Variants in TLE4 observed in about 807,000 individuals in gnomAD.
The protein encoded by TLE4 is transducin-like enhancer protein 4.
In TLE4, 8 loss-of-function variants were observed where a neutral mutation model predicts 92.8. That is an observed-to-expected ratio of 0.09 (90% CI 0.05 to 0.16). The LOEUF is 0.16. TLE4 is among the 10% of genes least tolerant of loss of function. TLE4 has a pLI of 1.00. For synonymous variants in TLE4, 371 were observed against 374.1 expected (o/e 0.99, Z 0.10); for missense variants, 675 against 997.6 (o/e 0.68, Z 4.36).
At chr9:79,674,969 G>A (rs1418958709) in intron 8 of TLE4, among the ~76,000 whole-genome samples, 3 of 152,134 alleles carry the variant, frequency 2.0e-5, no homozygotes, top group Non-Finnish European at 2.9e-5. Context: ...TGCAGTAACA[G>A]AATCCCCCAA....
chr9:79,620,988 C>T (rs182268310), intron 5 of TLE4, among the ~76,000 whole-genome samples: 3 of 152,256 alleles, frequency 2.0e-5, no homozygotes, highest in Non-Finnish European at 2.9e-5. Context: ...GAAGGATTCA[C>T]CCCCATGACC....
At chr9:79,672,422 A>G (rs1201011706) in intron 8 of TLE4, among the ~76,000 whole-genome samples, 2 of 152,046 alleles carry the variant, frequency 1.3e-5, no homozygotes, top group Non-Finnish European at 2.9e-5. Context: ...GGTCTGGCAA[A>G]GGTTTAGGAG....
chr9:79,704,930 G>T (rs776277855), intron 9 of TLE4, 28 bp downstream of exon 9: 1 of 1,612,120 alleles, frequency 6.2e-7, no homozygotes, highest in Non-Finnish European at 8.5e-7. Context: ...TGTGTTAGGG[G>T]AGGCCAGCTT....
intron 2 of TLE4, among the ~76,000 whole-genome samples, chr9:79,574,539 T>G (rs2037100556): frequency 6.6e-6 from 1 of 152,210 alleles, no homozygotes; most frequent in Admixed American, 6.5e-5. Flanking sequence ...GTATGTGCAG[T>G]CATTATTGAA....
At chr9:79,711,806 A>AATGG (rs1022111072) in intron 14 of TLE4, among the ~76,000 whole-genome samples, 61 of 152,288 alleles carry the variant, frequency 4.0e-4, no homozygotes, top group African/African-American at 1.5e-3. Context: ...AGGGTGGGTT[A>AATGG]ATGGATTGGA....
chr9:79,702,155 G>C lies in TLE4; in HGVS notation c.610-2628G>C, dbSNP rs75502566. Among the ~76,000 whole-genome samples the C allele has an allele frequency of 9.9e-3, 1,501 of 152,346 alleles. 22 individuals carry two copies. The highest frequency in any genetic ancestry group is 0.034 in the African/African-American group (1,426 of 41,576). On this transcript the variant is annotated intron_variant, in intron 8 of 19. Transcript: ENST00000376552. Reference sequence around the variant, plus strand: ...GAGCCCAGGGGAACACTGGCTTATAGTGCTGATGTAGGATACAAGGCCAGG... The same window carrying C: ...GAGCCCAGGGGAACACTGGCTTATACTGCTGATGTAGGATACAAGGCCAGG...
chr9:79,572,755 C>A lies in TLE4; in HGVS notation c.-36C>A. The A allele has an allele frequency of 6.3e-7, 1 of 1,591,492 alleles. No homozygotes were observed. Among genetic ancestry groups the A allele is most frequent in the Non-Finnish European group, 8.5e-7 (1 of 1,170,028 alleles). On this transcript the variant is annotated 5_prime_UTR_variant, in exon 1 of 20. Coordinates refer to ENST00000376552, the MANE Select transcript of TLE4 (RefSeq NM_007005.6). ...GGGTCATTAAAGCCAATGAGCCGCG[C>A]GCCTCTGCCGAGCGCAGCCAACTAA...
rs2076322197 is a variant in TLE4, at chr9:79,725,712, G to T, written c.*568G>T. 6.6e-6 allele frequency: 1 copy of T among 152,648 alleles called. No individual in the cohort carries two copies. The highest frequency in any genetic ancestry group is 2.4e-5 in the African/African-American group (1 of 41,418). The allele number at this position is 152,648 out of a possible 1,614,324, so 9.5% of individuals were successfully genotyped here. Reference sequence around the variant, plus strand: ...TTTCTACATCTTTTAAAGACTTTTGGAAATTTGGCTGAACAATTAGAACAC... The same window carrying T: ...TTTCTACATCTTTTAAAGACTTTTGTAAATTTGGCTGAACAATTAGAACAC... On this transcript the variant is annotated 3_prime_UTR_variant, in exon 20 of 20. Transcript: ENST00000376552.
chr9:79,725,898 A>C lies in TLE4; in HGVS notation c.*754A>C, dbSNP rs1172443121. 3 of 152,368 alleles carry C rather than the reference A, an allele frequency of 2.0e-5. No individual in the cohort carries two copies. Among genetic ancestry groups the C allele is most frequent in the African/African-American group, 7.2e-5 (3 of 41,380 alleles). 9.4% of individuals were successfully genotyped at this position (152,368 alleles called of 1,614,324 possible). A position where few individuals can be genotyped will look rare whatever the true frequency, so the allele number is the denominator to read the frequency against. ...GTTTTTAGTTCCCTTTTTTTGTTGT[A>C]TTATAGGCAGATGAACAAATTAAAT... is the stretch of plus-strand genomic sequence containing the variant. On this transcript the variant is annotated 3_prime_UTR_variant, in exon 20 of 20. Coordinates refer to ENST00000376552, the MANE Select transcript of TLE4 (RefSeq NM_007005.6).
chr9:79,706,446 G>T (rs1368076839), intron 10 of TLE4, among the ~76,000 whole-genome samples: 1 of 148,872 alleles, frequency 6.7e-6, no homozygotes, highest in East Asian at 2.0e-4. Context: ...ATTCTCTACT[G>T]CAGTGAAGGC....
At chr9:79,722,228 A>G (rs1251536024) in intron 17 of TLE4, among the ~76,000 whole-genome samples, 1 of 152,196 alleles carries the variant, frequency 6.6e-6, no homozygotes, top group African/African-American at 2.4e-5. Flanking sequence ...AAGAAGAGGC[A>G]GTTCACTTAC....
intron 14 of TLE4, among the ~76,000 whole-genome samples, chr9:79,715,604 C>T (rs2074330955): frequency 6.6e-6 from 1 of 152,132 alleles, no homozygotes; most frequent in Non-Finnish European, 1.5e-5. Context: ...AACCTTGCTC[C>T]TTTCAGGCTC....
chr9:79,613,066 CTG>C (rs2048727614), intron 5 of TLE4, among the ~76,000 whole-genome samples: 1 of 152,108 alleles, frequency 6.6e-6, no homozygotes, highest in South Asian at 2.1e-4. Flanking sequence ...GGAGCTTACT[CTG>C]TACTATTGTC....
intron 8 of TLE4, among the ~76,000 whole-genome samples, chr9:79,688,302 TG>T (rs1245570187): frequency 6.6e-6 from 1 of 152,200 alleles, no homozygotes; most frequent in African/African-American, 2.4e-5. Flanking sequence ...ACATAGTTTT[TG>T]TGACTGTTTC....
chr9:79,640,765 C>T (rs868826341), intron 6 of TLE4, among the ~76,000 whole-genome samples: 5 of 152,080 alleles, frequency 3.3e-5, no homozygotes, highest in South Asian at 2.1e-4. Flanking sequence ...ACCTACTAGC[C>T]GGTCTCCTGC....
intron 8 of TLE4, among the ~76,000 whole-genome samples, chr9:79,679,685 C>A (rs1445848213): frequency 2.0e-5 from 3 of 152,132 alleles, no homozygotes; most frequent in Non-Finnish European, 4.4e-5. Context: ...ACATGAAATC[C>A]TTGCCCATGC....
intron 8 of TLE4, among the ~76,000 whole-genome samples, chr9:79,677,811 A>G (rs2063555050): frequency 6.6e-6 from 1 of 152,068 alleles, no homozygotes; most frequent in Admixed American, 6.6e-5. Flanking sequence ...AATGTGGTCA[A>G]TTTGTGGATG....
At chr9:79,699,073 C>CT (rs1186739773) in intron 8 of TLE4, among the ~76,000 whole-genome samples, 2 of 152,054 alleles carry the variant, frequency 1.3e-5, no homozygotes, top group African/African-American at 4.8e-5. Context: ...CAGGATATTA[C>CT]TTTCCAAACT....
chr9:79,627,248 G>A (rs568657120), intron 5 of TLE4, 126 bp from the exon 6 acceptor site: 19 of 929,354 alleles, frequency 2.0e-5, no homozygotes, highest in African/African-American at 4.9e-5. Context: ...GGCTTGTATT[G>A]GAAACCTGGA....
Sources: allele counts gnomAD v4.1 joint callset (sites outside exome capture counted in the v4.1 genomes callset), GRCh38; gene constraint gnomAD v4.1.1; transcripts MANE v1.5; gene names NCBI Gene and HGNC (gene_info 2026-07-23, HGNC 2026-07-21).